The following SEC23A variants were observed in gnomAD, a reference collection of about 807,000 sequenced individuals.
SEC23A encodes the protein protein transport protein Sec23A.
Under a neutral mutation model 103.7 loss-of-function variants are expected in SEC23A, and 56 were observed. The ratio of observed to expected loss-of-function variants is 0.54; its 90% CI spans 0.44 to 0.67. The LOEUF is 0.67. Ranked by LOEUF, SEC23A falls within the 30% of genes least tolerant of loss-of-function variation. SEC23A has a pLI of 0.00. For missense variants in SEC23A, 784 were observed against 936.4 expected (o/e 0.84, Z 2.12); for synonymous variants, 281 against 293.0 (o/e 0.96, Z 0.42).
At chr14:39,101,250 G>T (rs1430968881) in intron 1 of SEC23A, among the ~76,000 whole-genome samples, 1 of 152,126 alleles carries the variant, frequency 6.6e-6, no homozygotes, top group Non-Finnish European at 1.5e-5. Context: ...TATCATAATA[G>T]AGCTAAAAGC....
chr14:39,085,167 C>G (rs1388182996), intron 7 of SEC23A, among the ~76,000 whole-genome samples: 1 of 152,168 alleles, frequency 6.6e-6, no homozygotes, highest in Non-Finnish European at 1.5e-5. Flanking sequence ...CAAAAGAACA[C>G]AGTTTGGAGA....
At chr14:39,052,994 G>A (rs1301437625) in intron 14 of SEC23A, among the ~76,000 whole-genome samples, 1 of 152,128 alleles carries the variant, frequency 6.6e-6, no homozygotes, top group African/African-American at 2.4e-5. Flanking sequence ...AAATTAGCCA[G>A]CATGGTGGTG....
intron 7 of SEC23A, among the ~76,000 whole-genome samples, chr14:39,076,626 T>C (rs1329103832): frequency 1.3e-5 from 2 of 151,078 alleles, no homozygotes; most frequent in Non-Finnish European, 2.9e-5. Flanking sequence ...ACAAGTATCA[T>C]AGAACAACAA....
intron 14 of SEC23A, among the ~76,000 whole-genome samples, chr14:39,049,627 A>C (rs1885975209): frequency 6.6e-6 from 1 of 151,712 alleles, no homozygotes; most frequent in African/African-American, 2.4e-5. Flanking sequence ...AAATTTTGAA[A>C]ATTAGCCAGG....
At chr14:39,051,515 G>A (rs1594444581) in intron 14 of SEC23A, among the ~76,000 whole-genome samples, 1 of 152,218 alleles carries the variant, frequency 6.6e-6, no homozygotes, top group Middle Eastern at 3.4e-3. Context: ...TTTTACATTA[G>A]TGCTTACATT....
chr14:39,048,518 TA>T, intron 15 of SEC23A, 133 bp downstream of exon 15: 1 of 646,758 alleles, frequency 1.5e-6, no homozygotes, highest in Non-Finnish European at 2.7e-6. Context: ...GGAGGCTGAC[TA>T]AGCCCCGGAG....
intron 1 of SEC23A, among the ~76,000 whole-genome samples, chr14:39,099,678 T>G (rs1347610408): frequency 6.6e-6 from 1 of 152,186 alleles, no homozygotes; most frequent in Non-Finnish European, 1.5e-5. Context: ...AGATGATCCA[T>G]TCAAAGTGTA....
chr14:39,101,135 C>A (rs1888076087), intron 1 of SEC23A, among the ~76,000 whole-genome samples: 1 of 152,170 alleles, frequency 6.6e-6, no homozygotes, highest in South Asian at 2.1e-4. Flanking sequence ...TAAACTGCCG[C>A]ACCCAGCCAC....
chr14:39,080,306 TAAAGA>T (rs1414075602), intron 7 of SEC23A, among the ~76,000 whole-genome samples: 3 of 151,250 alleles, frequency 2.0e-5, no homozygotes, highest in Admixed American at 6.6e-5. Flanking sequence ...TAAGAGGCAC[TAAAGA>T]AAAGAAAAAA....
In SEC23A at chr14:39,093,009, G is replaced by A. The variant is rs1234058357; in HGVS notation, c.279+178C>T. 5.3e-5 allele frequency: 27 copies of A among 510,388 alleles called. 1 individual carries two copies. Among genetic ancestry groups the A allele is most frequent in the South Asian group, 3.9e-4 (18 of 46,004 alleles). The allele number at this position is 510,388 out of a possible 1,614,324, so 31.6% of individuals were successfully genotyped here. A position where few individuals can be genotyped will look rare whatever the true frequency, so the allele number is the denominator to read the frequency against. ...CTCACGAGTAGCTGGGACTACAGGC[G>A]CCTGCCACCACGCCCAGCTAATTTT... On this transcript the variant is annotated intron_variant, in intron 3 of 19. Transcript: ENST00000307712.
intron 16 of SEC23A, 83 bp from the exon 17 acceptor site, chr14:39,042,955 T>C: frequency 1.1e-6 from 1 of 893,666 alleles, no homozygotes; most frequent in Non-Finnish European, 1.8e-6. Flanking sequence ...TCCAGGTTAT[T>C]TTCCAAGTTT....
intron 13 of SEC23A, among the ~76,000 whole-genome samples, chr14:39,060,744 T>A (rs1276816179): frequency 6.6e-6 from 1 of 152,220 alleles, no homozygotes; most frequent in Non-Finnish European, 1.5e-5. Context: ...TCAGTTAAAT[T>A]TGTTGTCTCT....
intron 10 of SEC23A, among the ~76,000 whole-genome samples, chr14:39,066,714 T>C (rs1373528982): frequency 6.6e-6 from 1 of 151,838 alleles, no homozygotes; most frequent in Non-Finnish European, 1.5e-5. Flanking sequence ...AAAACACAAA[T>C]TAGACAGACA....
chr14:39,071,567 A>C (rs934922708), intron 9 of SEC23A, among the ~76,000 whole-genome samples: 4 of 151,864 alleles, frequency 2.6e-5, no homozygotes, highest in African/African-American at 9.7e-5. Flanking sequence ...AAAATTAAAA[A>C]ATTTTTTAAA....
chr14:39,067,013 ACT>A (rs1343971568), intron 10 of SEC23A, among the ~76,000 whole-genome samples, 158 bp downstream of exon 10: 2 of 152,328 alleles, frequency 1.3e-5, no homozygotes, highest in Admixed American at 6.5e-5. Flanking sequence ...GAATGATGAC[ACT>A]CTTCTGGTGA....
At chr14:39,097,678 T>C (rs1297572763) in intron 1 of SEC23A, among the ~76,000 whole-genome samples, 1 of 152,210 alleles carries the variant, frequency 6.6e-6, no homozygotes, top group African/African-American at 2.4e-5. Flanking sequence ...TTCCTCCAAT[T>C]GTGCCAGAAT....
intron 19 of SEC23A, among the ~76,000 whole-genome samples, chr14:39,038,089 A>G (rs1482887284): frequency 6.6e-6 from 1 of 152,116 alleles, no homozygotes; most frequent in Non-Finnish European, 1.5e-5. Flanking sequence ...TCCACAATTT[A>G]CTTGTACAAC....
intron 13 of SEC23A, among the ~76,000 whole-genome samples, chr14:39,059,300 A>AAAAAAAAAAAAAAAAAAAC (rs1886382869): frequency 9.9e-6 from 1 of 100,888 alleles, no homozygotes; most frequent in Non-Finnish European, 2.1e-5. Flanking sequence ...AAAAAAAAAA[A>AAAAAAAAAAAAAAAAAAAC]AAAAAAAAAA....
intron 13 of SEC23A, among the ~76,000 whole-genome samples, chr14:39,055,817 T>C (rs1809322836): frequency 6.6e-6 from 1 of 152,222 alleles, no homozygotes; most frequent in South Asian, 2.1e-4. Flanking sequence ...TTTTCCTTTC[T>C]CTTACGATAT....
Sources: allele counts gnomAD v4.1 joint callset (sites outside exome capture counted in the v4.1 genomes callset), GRCh38; gene constraint gnomAD v4.1.1; transcripts MANE v1.5; gene names NCBI Gene and HGNC (gene_info 2026-07-23, HGNC 2026-07-21).